Variants in TOM1L1 observed in about 807,000 individuals in gnomAD.
TOM1L1 encodes target of myb1 like 1 membrane trafficking protein.
Under a neutral mutation model 63.4 loss-of-function variants are expected in TOM1L1, and 64 were observed. The observed-to-expected ratio is 1.01, with a 90% CI of 0.83 to 1.24. TOM1L1 has a LOEUF of 1.24. Ranked by LOEUF, TOM1L1 falls within the 50% of genes most tolerant of loss-of-function variation. TOM1L1 has a pLI of 0.00. For missense variants in TOM1L1, 536 were observed against 567.0 expected (o/e 0.95, Z 0.55); for synonymous variants, 166 against 194.4 (o/e 0.85, Z 1.22).
chr17:54,955,207 TGA>T (rs909711688), intron 14 of TOM1L1: 7 of 152,190 alleles, frequency 4.6e-5, no homozygotes, highest in Non-Finnish European at 8.8e-5. Context: ...CCTGGGAAGC[TGA>T]GAGGATAACA....
At chr17:54,920,708 T>C (rs2143811206) in intron 7 of TOM1L1, among the ~76,000 whole-genome samples, 1 of 152,320 alleles carries the variant, frequency 6.6e-6, no homozygotes, top group South Asian at 2.1e-4. Flanking sequence ...TCTGAGCCGC[T>C]AAGTCAGGAG....
At chr17:54,905,255 C>T (rs887035729) in intron 2 of TOM1L1, among the ~76,000 whole-genome samples, 12 of 152,074 alleles carry the variant, frequency 7.9e-5, no homozygotes, top group East Asian at 5.8e-4. Context: ...TAGTCTTGTA[C>T]GAAAATATTT....
chr17:54,928,603 C>T lies in TOM1L1; in HGVS notation c.721-1470C>T, dbSNP rs550005989. Among the ~76,000 whole-genome samples the T allele has an allele frequency of 2.0e-5, 3 of 152,234 alleles. No individual in the cohort carries two copies. In the East Asian group the frequency reaches 5.8e-4, roughly 29 times the overall value. ...TATATATTTTCCAGGGTTGCTTTTACACTACAGTGGCAGAGTTGAGCAGTT... is the reference window on the plus strand; with the variant it reads ...TATATATTTTCCAGGGTTGCTTTTATACTACAGTGGCAGAGTTGAGCAGTT... On this transcript the variant is annotated intron_variant, in intron 7 of 15. Coordinates refer to ENST00000575882, the MANE Select transcript of TOM1L1 (RefSeq NM_005486.3).
At chr17:54,907,173 C>A (rs548917494) in intron 3 of TOM1L1, among the ~76,000 whole-genome samples, 1 of 137,016 alleles carries the variant, frequency 7.3e-6, no homozygotes, top group South Asian at 2.4e-4. Flanking sequence ...TTTTTTTGAC[C>A]TCTTACCTGT....
chr17:54,901,582 G>A lies in TOM1L1; in HGVS notation c.58+659G>A, dbSNP rs550781190. ...TCCGGATGTACCTTGCATGATGTAT[G>A]TAGAAGCCAGTGATTGGACTCCTAC... On this transcript the variant is annotated intron_variant, in intron 1 of 15. Coordinates refer to ENST00000575882, the MANE Select transcript of TOM1L1 (RefSeq NM_005486.3). 3.3e-5 allele frequency among the ~76,000 whole-genome samples: 5 copies of A among 152,190 alleles called. No homozygotes were observed. In the East Asian group the frequency reaches 9.7e-4, roughly 30 times the overall value.
chr17:54,900,961 G>A, intron 1 of TOM1L1, 38 bp downstream of exon 1: 1 of 1,613,036 alleles, frequency 6.2e-7, no homozygotes, highest in South Asian at 1.1e-5. Flanking sequence ...GGCAGGCAGG[G>A]GACCGTGGGA....
intron 14 of TOM1L1, among the ~76,000 whole-genome samples, chr17:54,958,953 T>C (rs772169752): frequency 6.6e-6 from 1 of 152,082 alleles, no homozygotes; most frequent in Non-Finnish European, 1.5e-5. Context: ...AAGCCAGGAA[T>C]AGACAGGATC....
chr17:54,940,747 T>C (rs1413367341), intron 11 of TOM1L1, among the ~76,000 whole-genome samples: 2 of 152,102 alleles, frequency 1.3e-5, no homozygotes, highest in African/African-American at 4.8e-5. Context: ...TAAGAATATA[T>C]ATTAATATTT....
chr17:54,951,480 T>C (rs939831982), intron 14 of TOM1L1, among the ~76,000 whole-genome samples: 3 of 152,184 alleles, frequency 2.0e-5, no homozygotes, highest in South Asian at 2.1e-4. Flanking sequence ...AGGTGGGCGA[T>C]TAGAGTGGTG....
intron 7 of TOM1L1, among the ~76,000 whole-genome samples, chr17:54,917,745 C>A (rs2048615132): frequency 6.6e-6 from 1 of 152,178 alleles, no homozygotes; most frequent in Non-Finnish European, 1.5e-5. Flanking sequence ...TCTGCTGACC[C>A]AGCTCACCCA....
chr17:54,933,952 A>G (rs2048906220), intron 8 of TOM1L1, among the ~76,000 whole-genome samples: 1 of 152,200 alleles, frequency 6.6e-6, no homozygotes, highest in Non-Finnish European at 1.5e-5. Flanking sequence ...TTATAAATAG[A>G]TAAGAGACAA....
intron 2 of TOM1L1, 135 bp from the exon 3 acceptor site, chr17:54,905,354 G>A: frequency 3.2e-6 from 2 of 623,016 alleles, no homozygotes; most frequent in South Asian, 4.3e-5. Context: ...TTCGCATAGG[G>A]TCCCACAGTA....
chr17:54,911,544 C>T (rs561739431), intron 3 of TOM1L1, among the ~76,000 whole-genome samples: 117 of 152,182 alleles, frequency 7.7e-4, no homozygotes, highest in Non-Finnish European at 1.4e-3. Flanking sequence ...TCCAAATTTC[C>T]GTCACAGGGG....
intron 5 of TOM1L1, 68 bp downstream of exon 5, chr17:54,913,941 G>C: frequency 2.0e-6 from 3 of 1,501,402 alleles, no homozygotes; most frequent in Non-Finnish European, 2.7e-6. Flanking sequence ...CTCATTACAG[G>C]AGACAACCCT....
chr17:54,901,047 C>T (rs947976878), intron 1 of TOM1L1, 124 bp downstream of exon 1: 9 of 1,339,784 alleles, frequency 6.7e-6, no homozygotes, highest in Non-Finnish European at 8.2e-6. Flanking sequence ...TCCCCTCCCC[C>T]CGCAACTTTC....
intron 4 of TOM1L1, among the ~76,000 whole-genome samples, 177 bp from the exon 5 acceptor site, chr17:54,913,571 C>T (rs1172152664): frequency 4.0e-5 from 6 of 149,328 alleles, no homozygotes; most frequent in Non-Finnish European, 8.8e-5. Flanking sequence ...GAGGCTGAGG[C>T]AGGAGAATCG....
chr17:54,953,859 G>T (rs1447916282), intron 14 of TOM1L1: 1 of 152,156 alleles, frequency 6.6e-6, no homozygotes, highest in Non-Finnish European at 1.5e-5. Context: ...GATGAAGTGA[G>T]ATTAAAGTAC....
intron 7 of TOM1L1, 141 bp downstream of exon 7, chr17:54,916,003 C>A: frequency 1.9e-6 from 1 of 523,900 alleles, no homozygotes; most frequent in Non-Finnish European, 3.3e-6. Context: ...CTAAACTTAA[C>A]AAAAATATCC....
chr17:54,943,319 A>G (rs146784814), intron 11 of TOM1L1, among the ~76,000 whole-genome samples: 56 of 152,124 alleles, frequency 3.7e-4, no homozygotes, highest in Admixed American at 7.9e-4. Context: ...GTCTACTGTT[A>G]TATAGTTATT....
Sources: gnomAD v4.1 joint callset for allele counts (sites outside exome capture counted in the v4.1 genomes callset) on GRCh38, gnomAD v4.1.1 for gene constraint, MANE v1.5 for transcripts, NCBI Gene and HGNC (gene_info 2026-07-23, HGNC 2026-07-21) for gene names.